Variants in SCAPER observed in about 807,000 individuals in gnomAD.
SCAPER encodes the protein S phase cyclin A-associated protein in the endoplasmic reticulum.
Under a neutral mutation model 182.2 loss-of-function variants are expected in SCAPER, and 98 were observed. That is an observed-to-expected ratio of 0.54 (90% confidence interval 0.46 to 0.64). The LOEUF is 0.64. Ranked by LOEUF, SCAPER falls within the 30% of genes least tolerant of loss-of-function variation. SCAPER has a pLI of 0.00. For synonymous variants in SCAPER, 605 were observed against 564.6 expected (o/e 1.07, Z -1.01); for missense variants, 1,432 against 1,690.0 (o/e 0.85, Z 2.68).
chr15:76,458,381 TA>T, intron 25 of SCAPER, among the ~76,000 whole-genome samples: 1 of 151,590 alleles, frequency 6.6e-6, no homozygotes, highest in South Asian at 2.1e-4. Flanking sequence ...TACACACACA[TA>T]TATATATATC....
rs142684322 is a variant in SCAPER at position 76,459,948 on chromosome 15, T to C, written c.3078+11264A>G. Among the ~76,000 whole-genome samples, 85 of 152,294 alleles carry C rather than the reference T, an allele frequency of 5.6e-4. 1 individual carries two copies. Among genetic ancestry groups the C allele is most frequent in the African/African-American group, 1.8e-3 (76 of 41,564 alleles). ...AGGGTGTCCATTCCCCAGTGTATGT[T>C]CTTGGCATCTTGTCAAAAATCAGTT... On this transcript the variant is annotated intron_variant, in intron 25 of 31. Transcript: ENST00000563290.
intron 4 of SCAPER, among the ~76,000 whole-genome samples, chr15:76,853,586 T>C (rs982842023): frequency 2.0e-5 from 3 of 149,526 alleles, no homozygotes; most frequent in Non-Finnish European, 4.4e-5. Context: ...TCTCAATGGA[T>C]GCAGAAAAAG....
chr15:76,749,330 G>C (rs2151166704), intron 15 of SCAPER, among the ~76,000 whole-genome samples: 1 of 152,024 alleles, frequency 6.6e-6, no homozygotes, highest in East Asian at 1.9e-4. Flanking sequence ...ACTAAGACTA[G>C]AAAGAAATTT....
chr15:76,640,115 G>A (rs146271660), intron 21 of SCAPER, among the ~76,000 whole-genome samples: 101 of 152,218 alleles, frequency 6.6e-4, no homozygotes, highest in African/African-American at 2.2e-3. Flanking sequence ...TACTGTGACC[G>A]CTGCTACTGC....
chr15:76,810,696 A>C (rs1368399627), intron 5 of SCAPER, among the ~76,000 whole-genome samples: 1 of 152,064 alleles, frequency 6.6e-6, no homozygotes, highest in African/African-American at 2.4e-5. Context: ...AAACAAACTA[A>C]ACTCCCTGAT....
chr15:76,767,599 A>C (rs1016775606), intron 10 of SCAPER, among the ~76,000 whole-genome samples: 1 of 152,184 alleles, frequency 6.6e-6, no homozygotes, highest in Non-Finnish European at 1.5e-5. Flanking sequence ...CCTCATGAGA[A>C]GCTAAAGATG....
chr15:76,474,714 G>A (rs1303414864), intron 24 of SCAPER, among the ~76,000 whole-genome samples: 1 of 151,808 alleles, frequency 6.6e-6, no homozygotes, highest in Non-Finnish European at 1.5e-5. Context: ...CTATTATTTG[G>A]GTTATTAATC....
intron 22 of SCAPER, among the ~76,000 whole-genome samples, chr15:76,588,783 C>T (rs1567537653): frequency 6.6e-6 from 1 of 152,036 alleles, no homozygotes; most frequent in African/African-American, 2.4e-5. Flanking sequence ...GGTGTGGTGG[C>T]TAGTGTGATT....
At chr15:76,350,366 T>TTA (rs1555408662) in intron 31 of SCAPER, 1 of 145,302 alleles carries the variant, frequency 6.9e-6, no homozygotes, top group Non-Finnish European at 1.5e-5. Flanking sequence ...GTAGAGGACT[T>TTA]TGTGTGTGTG....
At chr15:76,806,666 T>C (rs932012792) in intron 5 of SCAPER, among the ~76,000 whole-genome samples, 2 of 152,224 alleles carry the variant, frequency 1.3e-5, no homozygotes, top group Non-Finnish European at 1.5e-5. Context: ...TATGAAGTCT[T>C]CTGTTCATGA....
chr15:76,610,529 C>T (rs927847109), intron 22 of SCAPER, among the ~76,000 whole-genome samples: 3 of 151,974 alleles, frequency 2.0e-5, no homozygotes, highest in African/African-American at 4.8e-5. Flanking sequence ...ACAAAGAAAA[C>T]CGTAAAGATT....
At chr15:76,511,961 C>T (rs1418736314) in intron 23 of SCAPER, among the ~76,000 whole-genome samples, 4 of 150,758 alleles carry the variant, frequency 2.7e-5, no homozygotes, top group Admixed American at 6.6e-5. Context: ...CGGCTCACTG[C>T]AACCTCTGCC....
chr15:76,352,013 T>A (rs887197594), intron 30 of SCAPER, among the ~76,000 whole-genome samples: 6 of 152,310 alleles, frequency 3.9e-5, no homozygotes, highest in African/African-American at 1.4e-4. Flanking sequence ...ACAAGAAATA[T>A]ATATAATCTT....
intron 23 of SCAPER, among the ~76,000 whole-genome samples, chr15:76,525,170 A>C (rs918806670): frequency 2.6e-5 from 4 of 152,090 alleles, no homozygotes; most frequent in Non-Finnish European, 5.9e-5. Flanking sequence ...TCTAAAACAC[A>C]AACTTATAAT....
Position 76,795,325 on chromosome 15 carries a change from G to C in SCAPER, c.727C>G (p.Gln243Glu). 6.2e-7 allele frequency: 1 copy of C among 1,613,342 alleles called. No homozygotes were observed. The highest frequency in any genetic ancestry group is 1.1e-5 in the South Asian group (1 of 91,030). The stretch of plus-strand genomic sequence containing the variant: ...TGCACTGTCATTGGTGGGCAAGACT[G>C]GGCGGGTGTTATTTCTGAAGAAGCA... ...STASSEITPA[Q>E]SCPPMTVQKA... is the part of the protein sequence containing the mutation. The change falls in exon 8 of 32, where the codon CAG (glutamine) becomes GAG (glutamate). Residue 243 changes from glutamine to glutamate, a missense_variant. By Grantham distance (29) the Gln-to-Glu change is conservative (BLOSUM62 2). Coordinates refer to ENST00000563290, the MANE Select transcript of SCAPER (RefSeq NM_020843.4).
chr15:76,838,992 A>G (rs1236594397), intron 5 of SCAPER, among the ~76,000 whole-genome samples: 6 of 152,234 alleles, frequency 3.9e-5, no homozygotes, highest in African/African-American at 1.4e-4. Flanking sequence ...TTGGTAAGAG[A>G]GCAAGGGAAA....
chr15:76,620,091 T>C (rs2051883307), intron 22 of SCAPER, among the ~76,000 whole-genome samples: 1 of 152,050 alleles, frequency 6.6e-6, no homozygotes, highest in African/African-American at 2.4e-5. Flanking sequence ...AATATATATA[T>C]ATAAGTTTTC....
chr15:76,574,101 C>T, intron 23 of SCAPER, 57 bp downstream of exon 23: 1 of 1,544,942 alleles, frequency 6.5e-7, no homozygotes, highest in African/African-American at 1.4e-5. Context: ...TATGTACTGT[C>T]ATAGTGAGAA....
intron 9 of SCAPER, among the ~76,000 whole-genome samples, chr15:76,773,927 C>A (rs1294954954): frequency 6.6e-6 from 1 of 151,656 alleles, no homozygotes; most frequent in Non-Finnish European, 1.5e-5. Context: ...CGGAACTGAA[C>A]CTTTATATAA....
Sources: allele counts gnomAD v4.1 joint callset (sites outside exome capture counted in the v4.1 genomes callset), GRCh38; gene constraint gnomAD v4.1.1; transcripts MANE v1.5; gene names NCBI Gene and HGNC (gene_info 2026-07-23, HGNC 2026-07-21).